The following CLRN1 variants were observed in gnomAD, a reference collection of about 807,000 sequenced individuals.
The protein encoded by CLRN1 is clarin 1.
CLRN1 carries 15 observed loss-of-function variants against 18.7 expected under a neutral mutation model. That is an observed-to-expected ratio of 0.80 (90% confidence interval 0.54 to 1.23). CLRN1 has a LOEUF of 1.23. Among genes scored for constraint, CLRN1 ranks in the 50% most tolerant of loss-of-function variants. The probability of loss-of-function intolerance (pLI) is 0.00; values close to 1 mark genes in which losing one functional copy is unlikely to be tolerated. For missense variants in CLRN1, 311 were observed against 277.5 expected (o/e 1.12, Z -0.86); for synonymous variants, 104 against 102.9 (o/e 1.01, Z -0.07).
chr3:150,944,035 G>A (rs774242937), intron 1 of CLRN1: 37 of 937,846 alleles, frequency 3.9e-5, no homozygotes, highest in South Asian at 1.5e-5. Flanking sequence ...TACATATGAT[G>A]GAGAAATAAA....
chr3:150,970,524 A>AG (rs1346268094), intron 1 of CLRN1, among the ~76,000 whole-genome samples: 1 of 151,910 alleles, frequency 6.6e-6, no homozygotes, highest in Non-Finnish European at 1.5e-5. Flanking sequence ...TAGGAAAAAA[A>AG]AAAAAGCTCT....
At chr3:150,958,413 G>A (rs1714858942) in intron 1 of CLRN1, among the ~76,000 whole-genome samples, 1 of 152,078 alleles carries the variant, frequency 6.6e-6, no homozygotes, top group African/African-American at 2.4e-5. Context: ...CTTCTGTCCT[G>A]TCACATAGCT....
intron 1 of CLRN1, among the ~76,000 whole-genome samples, chr3:150,965,254 A>C (rs2107986451): frequency 6.6e-6 from 1 of 152,214 alleles, no homozygotes; most frequent in South Asian, 2.1e-4. Flanking sequence ...CTCTGTTTCC[A>C]GTTTCCATAT....
chr3:150,939,380 A>G (rs1713673743), intron 2 of CLRN1, among the ~76,000 whole-genome samples: 1 of 152,120 alleles, frequency 6.6e-6, no homozygotes, highest in Admixed American at 6.5e-5. Flanking sequence ...GGTTCTGGCA[A>G]TGCCAAACTC....
rs1470379469 is a variant in CLRN1 at position 150,951,949 on chromosome 3, T to C, written c.254-10188A>G. Among the ~76,000 whole-genome samples the C allele has an allele frequency of 3.3e-5, 5 of 152,200 alleles. No individual in the cohort carries two copies. The East Asian group carries it at 7.7e-4, about 23-fold the overall frequency. The stretch of plus-strand genomic sequence containing the variant: ...TCCCACCAGGCCCCACCTCCAACAC[T>C]GGGGATTACGATTCGACATGAGATT... On this transcript the variant is annotated intron_variant, in intron 1 of 2. Transcript: ENST00000327047.
rs138965401 is a variant in CLRN1 at position 150,928,274 on chromosome 3, T to TA, written c.434-74dup. On this transcript the variant is annotated intron_variant, in intron 2 of 2. Coordinates refer to ENST00000327047, the MANE Select transcript of CLRN1 (RefSeq NM_174878.3). ...AGGGACAGGGAAGAGGGTCAATGTG[T>TA]AAACCAAGGAATTCTCTTACCATCA... The TA allele has an allele frequency of 2.8e-3, 4,282 of 1,554,938 alleles. 115 individuals carry two copies. In the African/African-American group the frequency reaches 0.051, roughly 19 times the overall value.
chr3:150,952,198 T>A (rs113963475), intron 1 of CLRN1, among the ~76,000 whole-genome samples: 9 of 152,190 alleles, frequency 5.9e-5, no homozygotes, highest in African/African-American at 2.2e-4. Flanking sequence ...TTCAACATCA[T>A]GATGGTCTGA....
chr3:150,948,623 T>A (rs557506022), intron 1 of CLRN1, among the ~76,000 whole-genome samples: 2 of 151,602 alleles, frequency 1.3e-5, no homozygotes, highest in Admixed American at 6.6e-5. Context: ...GCTAAATAAA[T>A]TCCTGGATAC....
intron 1 of CLRN1, among the ~76,000 whole-genome samples, chr3:150,965,172 C>T (rs773210266): frequency 3.3e-4 from 50 of 152,176 alleles, no homozygotes; most frequent in Admixed American, 1.4e-3. Flanking sequence ...CATGATTTAC[C>T]ATATGCATAT....
At chr3:150,945,848 A>G (rs1275779196) in intron 1 of CLRN1, among the ~76,000 whole-genome samples, 1 of 152,194 alleles carries the variant, frequency 6.6e-6, no homozygotes, top group Non-Finnish European at 1.5e-5. Flanking sequence ...ACCTCCTTTG[A>G]GGCAGCTGGG....
At chr3:150,960,582 AC>A (rs1364238380) in intron 1 of CLRN1, among the ~76,000 whole-genome samples, 1 of 152,106 alleles carries the variant, frequency 6.6e-6, no homozygotes. Context: ...CCAGTCACAT[AC>A]TTTCCTTACT....
intron 1 of CLRN1, among the ~76,000 whole-genome samples, chr3:150,958,357 C>T (rs1237452035): frequency 6.6e-6 from 1 of 152,190 alleles, no homozygotes; most frequent in Non-Finnish European, 1.5e-5. Context: ...ATTGGAGGAG[C>T]CTTATGACTG....
chr3:150,935,413 C>T (rs573972216), intron 2 of CLRN1, among the ~76,000 whole-genome samples: 6 of 151,230 alleles, frequency 4.0e-5, no homozygotes, highest in South Asian at 4.2e-4. Flanking sequence ...TTTGTCCTTG[C>T]GATAGTTTGC....
chr3:150,971,021 T>C (rs1377321038), intron 1 of CLRN1, among the ~76,000 whole-genome samples: 2 of 152,186 alleles, frequency 1.3e-5, no homozygotes, highest in Non-Finnish European at 2.9e-5. Context: ...CTGTAGAAAA[T>C]GTAAAGGCTC....
At position 150,939,039 on chromosome 3, in the gene CLRN1, G is replaced by A. The variant is rs555381633; in HGVS notation, c.433+2543C>T. 3.9e-5 allele frequency among the ~76,000 whole-genome samples: 6 copies of A among 152,288 alleles called. No homozygotes were observed. The South Asian group carries it at 1.0e-3, about 26-fold the overall frequency. On this transcript the variant is annotated intron_variant, in intron 2 of 2. Coordinates refer to ENST00000327047, the MANE Select transcript of CLRN1 (RefSeq NM_174878.3). ...CAGAATTTCATTCAGAAGCTGGAGC[G>A]CTAGACGGCTGTTGCTGCTAATGAG...
chr3:150,941,245 A>G (rs985736711), intron 2 of CLRN1, among the ~76,000 whole-genome samples: 18 of 150,542 alleles, frequency 1.2e-4, no homozygotes, highest in Non-Finnish European at 1.9e-4. Flanking sequence ...CCTATATTTT[A>G]TATATATAAT....
At chr3:150,939,775 G>T (rs1713704527) in intron 2 of CLRN1, among the ~76,000 whole-genome samples, 1 of 152,162 alleles carries the variant, frequency 6.6e-6, no homozygotes, top group South Asian at 2.1e-4. Flanking sequence ...CCACCTGTTT[G>T]GTTTTGGATG....
intron 1 of CLRN1, chr3:150,943,948 G>C (rs1204621345): frequency 6.3e-7 from 1 of 1,589,130 alleles, no homozygotes; most frequent in South Asian, 1.1e-5. Context: ...TGAGTAAATG[G>C]GGTACCCCTG....
At chr3:150,943,891 T>C (rs759919356) in intron 1 of CLRN1, 1 of 1,614,006 alleles carries the variant, frequency 6.2e-7, no homozygotes, top group South Asian at 1.1e-5. Flanking sequence ...GTTCCTGCAC[T>C]CGTTCACTCG....
Sources: gnomAD v4.1 joint callset for allele counts (sites outside exome capture counted in the v4.1 genomes callset) on GRCh38, gnomAD v4.1.1 for gene constraint, MANE v1.5 for transcripts, NCBI Gene and HGNC (gene_info 2026-07-23, HGNC 2026-07-21) for gene names.